The following NEXMIF variants were observed in gnomAD, a reference collection of about 807,000 sequenced individuals.
NEXMIF encodes XLMR protein related to neurite extension.
In NEXMIF, 8 loss-of-function variants were observed where a neutral mutation model predicts 62.1. The ratio of observed to expected loss-of-function variants is 0.13; its 90% CI spans 0.08 to 0.23. The LOEUF (loss-of-function observed/expected upper bound fraction) is 0.23, where lower values mean the gene tolerates loss of function less well. Among genes scored for constraint, NEXMIF ranks in the 10% least tolerant of loss-of-function variants. The pLI is 1.00. For missense variants in NEXMIF, 976 were observed against 1,113.3 expected, an observed-to-expected ratio of 0.88 and a Z score of 1.75; for synonymous variants, 404 against 416.6, an observed-to-expected ratio of 0.97 and a Z score of 0.37.
intron 1 of NEXMIF, among the ~76,000 whole-genome samples, chrX:74,835,685 C>T (rs188493501): frequency 2.9e-4 from 32 of 111,231 alleles, no homozygotes; most frequent in Non-Finnish European, 4.3e-4. Flanking sequence ...CCTGTGGCCA[C>T]CATCCCTGAG....
chrX:74,904,128 T>G (rs2080758618), intron 1 of NEXMIF, among the ~76,000 whole-genome samples: 1 of 110,938 alleles, frequency 9.0e-6, no homozygotes, highest in Non-Finnish European at 1.9e-5. Context: ...ATTGGCTCCC[T>G]TTGGGCCCCA....
At chrX:74,906,080 G>A (rs935527134) in intron 1 of NEXMIF, among the ~76,000 whole-genome samples, 1 of 109,751 alleles carries the variant, frequency 9.1e-6, no homozygotes, top group Admixed American at 9.7e-5. Flanking sequence ...GACCAGCCTG[G>A]GCAAGATGAC....
intron 1 of NEXMIF, among the ~76,000 whole-genome samples, chrX:74,823,283 T>C (rs181567104): frequency 7.2e-5 from 8 of 111,877 alleles, no homozygotes. Context: ...GGTTGCACAG[T>C]CCTGAAAATA....
At chrX:74,897,754 T>C (rs1337577318) in intron 1 of NEXMIF, among the ~76,000 whole-genome samples, 1 of 111,320 alleles carries the variant, frequency 9.0e-6, no homozygotes, top group Non-Finnish European at 1.9e-5. Flanking sequence ...AGCTTAAGTT[T>C]TTCATGGCAG....
Position 74,911,545 on chromosome X carries a change from C to A in NEXMIF, c.-48+13338G>T, listed in dbSNP as rs183768352. Reference sequence around the variant, plus strand: ...CACCTCCTCCCCACATATACACATACTGGAAGGATCTGGGTGAGCCATAGT... The same window carrying A: ...CACCTCCTCCCCACATATACACATAATGGAAGGATCTGGGTGAGCCATAGT... On this transcript the variant is annotated intron_variant, in intron 1 of 3. Transcript: ENST00000055682. 9.8e-5 allele frequency among the ~76,000 whole-genome samples: 11 copies of A among 112,350 alleles called. No individual in the cohort carries two copies. In the Admixed American group the frequency reaches 1.0e-3, roughly 11 times the overall value.
chrX:74,796,104 TTATA>T (rs1322215106), intron 1 of NEXMIF, among the ~76,000 whole-genome samples: 4 of 76,300 alleles, frequency 5.2e-5, no homozygotes, highest in Non-Finnish European at 9.6e-5. Flanking sequence ...ATGTTTAGCT[TTATA>T]TATATTATAT....
chrX:74,869,488 G>T (rs1396376751), intron 1 of NEXMIF, among the ~76,000 whole-genome samples: 5 of 111,539 alleles, frequency 4.5e-5, no homozygotes, highest in African/African-American at 9.8e-5. Flanking sequence ...TCAGACAAAA[G>T]AAAGAACTAA....
At chrX:74,910,160 A>G (rs1194717174) in intron 1 of NEXMIF, among the ~76,000 whole-genome samples, 1 of 112,184 alleles carries the variant, frequency 8.9e-6, no homozygotes, top group African/African-American at 3.2e-5. Flanking sequence ...AGATCCACTG[A>G]AAGCTTGCAC....
intron 1 of NEXMIF, among the ~76,000 whole-genome samples, chrX:74,833,544 C>A (rs1396401204): frequency 9.0e-6 from 1 of 111,512 alleles, no homozygotes; most frequent in Non-Finnish European, 1.9e-5. Flanking sequence ...TATTTTATAT[C>A]TTTTGATTGG....
intron 1 of NEXMIF, among the ~76,000 whole-genome samples, chrX:74,828,223 T>C (rs1348500202): frequency 1.8e-5 from 2 of 111,415 alleles, no homozygotes; most frequent in African/African-American, 6.5e-5. Flanking sequence ...GGAGGGAGTA[T>C]GATGAGCGAA....
chrX:74,774,392 G>A (rs1472175788), intron 1 of NEXMIF, among the ~76,000 whole-genome samples: 1 of 111,841 alleles, frequency 8.9e-6, no homozygotes, highest in South Asian at 3.8e-4. Flanking sequence ...ACTTAACAGG[G>A]CTGTTGGGGG....
intron 1 of NEXMIF, among the ~76,000 whole-genome samples, chrX:74,791,388 A>T (rs1384644757): frequency 9.0e-6 from 1 of 111,400 alleles, no homozygotes. Flanking sequence ...CCAGTATTTT[A>T]TTGAGGATTT....
At chrX:74,820,283 T>C (rs1184351222) in intron 1 of NEXMIF, among the ~76,000 whole-genome samples, 1 of 109,905 alleles carries the variant, frequency 9.1e-6, no homozygotes, top group Non-Finnish European at 1.9e-5. Flanking sequence ...CATGTATACC[T>C]ATGTATCAAA....
chrX:74,815,552 A>G (rs2147476692), intron 1 of NEXMIF, among the ~76,000 whole-genome samples: 1 of 111,384 alleles, frequency 9.0e-6, no homozygotes, highest in Non-Finnish European at 1.9e-5. Flanking sequence ...TCCCCTATTA[A>G]AAAACCAGTG....
chrX:74,837,272 T>A (rs2080460255), intron 1 of NEXMIF, among the ~76,000 whole-genome samples: 1 of 111,611 alleles, frequency 9.0e-6, no homozygotes, highest in Non-Finnish European at 1.9e-5. Context: ...CTCACCTGAT[T>A]TTTGTTTTTT....
intron 1 of NEXMIF, among the ~76,000 whole-genome samples, chrX:74,880,964 C>T (rs1281997126): frequency 9.0e-6 from 1 of 111,181 alleles, no homozygotes; most frequent in Non-Finnish European, 1.9e-5. Flanking sequence ...CACTGTCCCT[C>T]ATCCTTCATC....
chrX:74,834,676 T>C (rs575681922), intron 1 of NEXMIF, among the ~76,000 whole-genome samples: 1 of 112,067 alleles, frequency 8.9e-6, no homozygotes, highest in South Asian at 3.7e-4. Context: ...GCCACAGGTA[T>C]TGGAGTTCCA....
intron 1 of NEXMIF, among the ~76,000 whole-genome samples, chrX:74,856,558 T>C (rs955914459): frequency 9.0e-6 from 1 of 110,740 alleles, no homozygotes; most frequent in African/African-American, 3.3e-5. Context: ...TATACAACAG[T>C]GGCCACATAA....
chrX:74,748,360 A>T (rs1174915481), intron 1 of NEXMIF, among the ~76,000 whole-genome samples: 2 of 111,980 alleles, frequency 1.8e-5, no homozygotes, highest in Non-Finnish European at 1.9e-5. Context: ...TAAACAGGAC[A>T]ACTAAAGGTA....
Sources: gnomAD v4.1 joint callset for allele counts (sites outside exome capture counted in the v4.1 genomes callset) on GRCh38, gnomAD v4.1.1 for gene constraint, MANE v1.5 for transcripts, NCBI Gene and HGNC (gene_info 2026-07-23, HGNC 2026-07-21) for gene names.